Variants in MYH4 observed in about 807,000 individuals in gnomAD.
MYH4 encodes the protein myosin-4.
Under a neutral mutation model 229.9 loss-of-function variants are expected in MYH4, and 200 were observed. The ratio of observed to expected loss-of-function variants is 0.87; its 90% CI spans 0.78 to 0.98. The LOEUF is 0.98. Among genes scored for constraint, MYH4 ranks in the 50% least tolerant of loss-of-function variants. The pLI is 0.00. For synonymous variants in MYH4, 761 were observed against 834.6 expected (o/e 0.91, Z 1.52); for missense variants, 2,148 against 2,332.6 (o/e 0.92, Z 1.63).
rs140213075 is a variant in MYH4 at position 10,455,850 on chromosome 17, C to G, written c.2020G>C (p.Val674Leu). ...GTTTCATTGGGGATGATGCACCGCA[C>G]AAAGTGGGGGTGAGTGCTCCTCAAG... ...TNLRSTHPHF[V>L]RCIIPNETKT... The change falls in exon 18 of 40, where the codon GTG (valine) becomes CTG (leucine). Residue 674 changes from valine (V) to leucine (L), a missense_variant. Coordinates refer to ENST00000255381, the MANE Select transcript of MYH4 (RefSeq NM_017533.2). 5 of 1,614,078 alleles carry G rather than the reference C, an allele frequency of 3.1e-6. No individual in the cohort carries two copies. The highest frequency in any genetic ancestry group is 4.2e-6 in the Non-Finnish European group (5 of 1,180,044).
chr17:10,450,675 A>AT (rs2072563004), intron 29 of MYH4, 26 bp from the exon 30 acceptor site: 3 of 1,612,966 alleles, frequency 1.9e-6, no homozygotes, highest in Non-Finnish European at 2.5e-6. Context: ...ACTATGTGAT[A>AT]TAAGTTTATC....
At chr17:10,455,369 C>A (rs2072627701) in intron 19 of MYH4, 74 bp from the exon 20 acceptor site, 1 of 1,491,332 alleles carries the variant, frequency 6.7e-7, no homozygotes, top group Middle Eastern at 1.8e-4. Context: ...TGGTAGCTAT[C>A]ATTGAAAAGA....
Position 10,448,677 on chromosome 17 carries a change from G to A in MYH4, c.4472C>T (p.Ala1491Val), listed in dbSNP as rs1361730347. 2 of 1,614,068 alleles carry A rather than the reference G, an allele frequency of 1.2e-6. No homozygotes were observed. The highest frequency in any genetic ancestry group is 1.7e-5 in the Admixed American group (1 of 60,018). ...AAGATGATCCAGGGATTCCTCGTAG[G>A]CATTCTTCACCTTGAACAGCTCAGT... ...LSTELFKVKNAYEESLDHLET... is the reference protein window; with the variant it reads ...LSTELFKVKNVYEESLDHLET... Residue 1491 changes from alanine to valine, a missense_variant, in exon 32 of 40, where the codon GCC (alanine) becomes GTC (valine). By Grantham distance (64) the Ala-to-Val change is moderately conservative. Coordinates refer to ENST00000255381, the MANE Select transcript of MYH4 (RefSeq NM_017533.2).
chr17:10,459,071 C>A (rs1213594923), intron 15 of MYH4, among the ~76,000 whole-genome samples, 180 bp downstream of exon 15: 1 of 152,070 alleles, frequency 6.6e-6, no homozygotes, highest in African/African-American at 2.4e-5. Context: ...AAACATTTTT[C>A]TACAAACTGC....
intron 22 of MYH4, 43 bp from the exon 23 acceptor site, chr17:10,453,928 C>G: frequency 6.2e-7 from 1 of 1,607,106 alleles, no homozygotes; most frequent in East Asian, 2.2e-5. Flanking sequence ...TGAGCTATAT[C>G]TATAAGCACA....
chr17:10,451,605 A>G (rs1349379379), intron 27 of MYH4, among the ~76,000 whole-genome samples, 153 bp from the exon 28 acceptor site: 1 of 152,164 alleles, frequency 6.6e-6, no homozygotes, highest in African/African-American at 2.4e-5. Flanking sequence ...GAGGCATTTA[A>G]TTTGGCTAAA....
chr17:10,465,214 A>C lies in MYH4; in HGVS notation c.505+228T>G, dbSNP rs577265073. The stretch of plus-strand genomic sequence containing the variant: ...TGGATTTTAGCATAGAAATCTAAGC[A>C]AAATTTCCTCTATTTTTGGAACTAG... On this transcript the variant is annotated intron_variant, in intron 5 of 39. Transcript: ENST00000255381. Among the ~76,000 whole-genome samples the C allele has an allele frequency of 4.6e-5, 7 of 152,362 alleles. No homozygotes were observed. The South Asian group carries it at 1.2e-3, about 27-fold the overall frequency.
At chr17:10,456,157 A>G (rs1442607585) in intron 17 of MYH4, among the ~76,000 whole-genome samples, 1 of 152,194 alleles carries the variant, frequency 6.6e-6, no homozygotes, top group Non-Finnish European at 1.5e-5. Context: ...CACATGAAGG[A>G]GATGTAATTG....
chr17:10,458,416 A>G (rs1232711368), intron 15 of MYH4, among the ~76,000 whole-genome samples: 1 of 152,212 alleles, frequency 6.6e-6, no homozygotes, highest in African/African-American at 2.4e-5. Flanking sequence ...AGTTTTCATG[A>G]ATAGTAGAGA....
In MYH4 at chr17:10,447,132, G is replaced by C. The variant is rs1295025549; in HGVS notation, c.5050C>G (p.Leu1684Val). The change falls in exon 35 of 40, where the codon CTG (leucine) becomes GTG (valine). Residue 1684 changes from leucine (L) to valine (V), a missense_variant. Coordinates refer to ENST00000255381, the MANE Select transcript of MYH4 (RefSeq NM_017533.2). ...AGCTCTTCAACTTCAGCCTGCATCAGGTTAGCTCTGCGCTCAACCATTGCC... is the reference window on the plus strand; with the variant it reads ...AGCTCTTCAACTTCAGCCTGCATCACGTTAGCTCTGCGCTCAACCATTGCC... ...QLAMVERRAN[L>V]MQAEVEELRA... is the part of the protein sequence containing the mutation. The C allele has an allele frequency of 1.9e-6, 3 of 1,613,978 alleles. No individual in the cohort carries two copies. The highest frequency in any genetic ancestry group is 2.5e-6 in the Non-Finnish European group (3 of 1,180,024).
chr17:10,463,914 C>A (rs2072731298), intron 7 of MYH4, among the ~76,000 whole-genome samples: 1 of 152,186 alleles, frequency 6.6e-6, no homozygotes, highest in Admixed American at 6.5e-5. Flanking sequence ...TTGCCCTATT[C>A]ATCTCATTCT....
chr17:10,447,111 C>T lies in MYH4; in HGVS notation c.5071G>A (p.Glu1691Lys). ...RANLMQAEVE[E>K]LRASLERTER... is the part of the protein sequence containing the mutation. ...GTCCGTTCCAGGGATGCCCTGAGCT[C>T]TTCAACTTCAGCCTGCATCAGGTTA... Residue 1691 changes from glutamate to lysine, a missense_variant, in exon 35 of 40, where the codon GAG (glutamate) becomes AAG (lysine). By Grantham distance (56) the Glu-to-Lys change is moderately conservative. Coordinates refer to ENST00000255381, the MANE Select transcript of MYH4 (RefSeq NM_017533.2). The T allele has an allele frequency of 6.2e-7, 1 of 1,614,170 alleles. No homozygotes were observed. Among genetic ancestry groups the T allele is most frequent in the Non-Finnish European group, 8.5e-7 (1 of 1,180,024 alleles).
At chr17:10,461,115 A>G in intron 11 of MYH4, 61 bp from the exon 12 acceptor site, 1 of 1,584,452 alleles carries the variant, frequency 6.3e-7, no homozygotes, top group African/African-American at 1.3e-5. Context: ...CCCTCAGAAC[A>G]CCGGGGCTGT....
chr17:10,453,770 A>T lies in MYH4; in HGVS notation c.2807T>A (p.Ile936Asn). The T allele has an allele frequency of 6.2e-7, 1 of 1,614,006 alleles. No individual in the cohort carries two copies. The highest frequency in any genetic ancestry group is 8.5e-7 in the Non-Finnish European group (1 of 1,179,986). ...VTERAEDEEE[I>N]NAELTAKKRK... is the part of the protein sequence containing the mutation. The stretch of plus-strand genomic sequence containing the variant: ...CTTCTTGGCTGTCAGCTCAGCATTG[A>T]TCTCTTCCTCATCCTCAGCTCTTTC... Residue 936 changes from isoleucine (I) to asparagine (N), a missense_variant, in exon 23 of 40, where the codon ATC (isoleucine) becomes AAC (asparagine). Transcript: ENST00000255381.
In MYH4 at chr17:10,450,516, G is replaced by A; in HGVS notation, c.4118C>T (p.Ala1373Val). The change falls in exon 30 of 40, where the codon GCC becomes GTC. Residue 1373 changes from alanine (A) to valine (V), a missense_variant. Physicochemically the swap from Ala to Val is moderately conservative, Grantham distance 64. Transcript: ENST00000255381. Reference sequence around the variant, plus strand: ...CGTCTCGTACTTGGTCCTCCACTGGGCAACCTCACTGTTGGCCTTGGACAT... The same window carrying A: ...CGTCTCGTACTTGGTCCTCCACTGGACAACCTCACTGTTGGCCTTGGACAT... ...RGMSKANSEV[A>V]QWRTKYETDA... 1 of 1,614,054 alleles carries A rather than the reference G, an allele frequency of 6.2e-7. No individual in the cohort carries two copies. The highest frequency in any genetic ancestry group is 8.5e-7 in the Non-Finnish European group (1 of 1,179,960).
At chr17:10,466,914 T>C (rs1197545269) in intron 2 of MYH4, 130 bp from the exon 3 acceptor site, 2 of 738,408 alleles carry the variant, frequency 2.7e-6, no homozygotes, top group Non-Finnish European at 4.3e-6. Flanking sequence ...CACTCCTGTA[T>C]ACTATGTCAA....
chr17:10,463,709 T>G, intron 7 of MYH4, 66 bp from the exon 8 acceptor site: 1 of 1,288,888 alleles, frequency 7.8e-7, no homozygotes, highest in South Asian at 1.4e-5. Flanking sequence ...ATTGACCTCT[T>G]TCCCTTCCCC....
chr17:10,459,459 A>G, intron 14 of MYH4, 38 bp from the exon 15 acceptor site: 2 of 1,614,176 alleles, frequency 1.2e-6, no homozygotes, highest in East Asian at 2.2e-5. Context: ...TACGCATAAC[A>G]AGTATTCTAT....
rs753301063 is a variant in MYH4 at position 10,463,092 on chromosome 17, A to G, written c.902T>C (p.Ile301Thr). ...QILSNKKPELIEMLLITTNPY... is the reference protein window; with the variant it reads ...QILSNKKPELTEMLLITTNPY... Reference sequence around the variant, plus strand: ...AATAAATCAAAGATGTGTCTTACCAATGAGCTCTGGTTTCTTATTGGACAG... The same window carrying G: ...AATAAATCAAAGATGTGTCTTACCAGTGAGCTCTGGTTTCTTATTGGACAG... Residue 301 changes from isoleucine to threonine, a missense_variant and splice_region_variant, in exon 10 of 40, where the codon ATT becomes ACT. By Grantham distance (89) the Ile-to-Thr change is moderately conservative. Coordinates refer to ENST00000255381, the MANE Select transcript of MYH4 (RefSeq NM_017533.2). The G allele has an allele frequency of 5.0e-6, 8 of 1,609,680 alleles. No individual in the cohort carries two copies. The highest frequency in any genetic ancestry group is 4.0e-5 in the African/African-American group (3 of 74,932).
Sources: gnomAD v4.1 joint callset for allele counts (sites outside exome capture counted in the v4.1 genomes callset) on GRCh38, gnomAD v4.1.1 for gene constraint, MANE v1.5 for transcripts, NCBI Gene and HGNC (gene_info 2026-07-23, HGNC 2026-07-21) for gene names.